LRFN5: variants seen among roughly 807,000 people sequenced by gnomAD.
LRFN5 encodes the protein leucine-rich repeat and fibronectin type-III domain-containing protein 5.
Under a neutral mutation model 45.6 loss-of-function variants are expected in LRFN5, and 24 were observed. That is an observed-to-expected ratio of 0.53 (90% CI 0.38 to 0.74). The LOEUF (loss-of-function observed/expected upper bound fraction) is 0.74, where lower values mean the gene tolerates loss of function less well. Ranked by LOEUF, LRFN5 falls within the 30% of genes least tolerant of loss-of-function variation. The probability of loss-of-function intolerance (pLI) is 0.00; values close to 1 mark genes in which losing one functional copy is unlikely to be tolerated. For missense variants in LRFN5, 776 were observed against 861.5 expected, an observed-to-expected ratio of 0.90 and a Z score of 1.24; for synonymous variants, 340 against 313.8, an observed-to-expected ratio of 1.08 and a Z score of -0.88.
intron 2 of LRFN5, among the ~76,000 whole-genome samples, chr14:41,784,208 G>A (rs1464419863): frequency 1.3e-5 from 2 of 152,030 alleles, no homozygotes; most frequent in African/African-American, 4.8e-5. Context: ...GCAGTGAAGT[G>A]AATGAAGGTA....
chr14:41,746,299 C>T lies in LRFN5; in HGVS notation c.-196-20555C>T, dbSNP rs185201367. 2.0e-3 allele frequency among the ~76,000 whole-genome samples: 297 copies of T among 152,106 alleles called. 2 individuals are homozygous for T. The highest frequency in any genetic ancestry group is 6.6e-3 in the African/African-American group (273 of 41,536). ...CCAAGAAAAGATTTGACAAAATTCA[C>T]TATCTTTTCCTGATACAAAACACTC... On this transcript the variant is annotated intron_variant, in intron 1 of 5. Transcript: ENST00000298119.
intron 1 of LRFN5, among the ~76,000 whole-genome samples, chr14:41,728,804 A>G (rs1277725073): frequency 2.6e-5 from 4 of 152,150 alleles, no homozygotes; most frequent in Non-Finnish European, 5.9e-5. Context: ...GATGAGAGAC[A>G]TTTTTATCAC....
chr14:41,734,351 T>TATA (rs1315455986), intron 1 of LRFN5, among the ~76,000 whole-genome samples: 8 of 114,826 alleles, frequency 7.0e-5, no homozygotes, highest in African/African-American at 8.8e-5. Flanking sequence ...TATATTTAAA[T>TATA]TTGCTGTAAC....
intron 1 of LRFN5, among the ~76,000 whole-genome samples, chr14:41,744,424 T>G (rs560149493): frequency 1.3e-5 from 2 of 151,972 alleles, no homozygotes; most frequent in South Asian, 4.2e-4. Flanking sequence ...ACAAAAAAAT[T>G]TAAGTAAACA....
intron 1 of LRFN5, among the ~76,000 whole-genome samples, chr14:41,645,509 T>C (rs1879775144): frequency 9.9e-6 from 1 of 101,400 alleles, no homozygotes; most frequent in Non-Finnish European, 2.2e-5. Context: ...TTAAAAAGTT[T>C]GTTTCCCCAC....
At chr14:41,773,409 T>C (rs1886160832) in intron 2 of LRFN5, among the ~76,000 whole-genome samples, 1 of 152,210 alleles carries the variant, frequency 6.6e-6, no homozygotes, top group Non-Finnish European at 1.5e-5. Flanking sequence ...TATGTTTTTT[T>C]CTTTAGTTGT....
chr14:41,663,121 T>C (rs1880733295), intron 1 of LRFN5, among the ~76,000 whole-genome samples: 1 of 152,114 alleles, frequency 6.6e-6, no homozygotes, highest in African/African-American at 2.4e-5. Context: ...ACATGAGAGG[T>C]GACTAACATT....
At chr14:41,889,428 TA>T (rs1890703179) in intron 3 of LRFN5, among the ~76,000 whole-genome samples, 3 of 152,218 alleles carry the variant, frequency 2.0e-5, no homozygotes, top group Admixed American at 1.3e-4. Context: ...TATATTAACT[TA>T]AAGTAATTTG....
At chr14:41,808,684 T>G (rs543237716) in intron 2 of LRFN5, among the ~76,000 whole-genome samples, 10 of 152,134 alleles carry the variant, frequency 6.6e-5, no homozygotes, top group Admixed American at 2.6e-4. Context: ...AAAGCAGATG[T>G]AAAAACACTA....
At chr14:41,780,029 G>A (rs1886426572) in intron 2 of LRFN5, among the ~76,000 whole-genome samples, 1 of 151,814 alleles carries the variant, frequency 6.6e-6, no homozygotes, top group Admixed American at 6.6e-5. Context: ...TCCTAAAGTA[G>A]AAAGACTATT....
chr14:41,872,560 T>C (rs1890053860), intron 2 of LRFN5, among the ~76,000 whole-genome samples: 1 of 152,202 alleles, frequency 6.6e-6, no homozygotes, highest in African/African-American at 2.4e-5. Flanking sequence ...CTTATCATCC[T>C]TGCTCATGAC....
intron 2 of LRFN5, among the ~76,000 whole-genome samples, chr14:41,796,805 A>G (rs1372038451): frequency 6.6e-6 from 1 of 151,898 alleles, no homozygotes; most frequent in African/African-American, 2.4e-5. Flanking sequence ...TATGTTTACT[A>G]AACAGGCACT....
intron 2 of LRFN5, among the ~76,000 whole-genome samples, chr14:41,867,385 T>A (rs971241617): frequency 2.0e-5 from 3 of 152,048 alleles, no homozygotes; most frequent in African/African-American, 7.2e-5. Flanking sequence ...TGTGTGTGCA[T>A]GGGTGCACAT....
Position 41,891,344 on chromosome 14 carries a change from A to G in LRFN5, c.1480A>G (p.Ile494Val). Residue 494 changes from isoleucine to valine, a missense_variant, in exon 4 of 6, where the codon ATC (isoleucine) becomes GTC (valine). Ile to Val is a conservative substitution (Grantham distance 29, BLOSUM62 3). Coordinates refer to ENST00000298119, the MANE Select transcript of LRFN5 (RefSeq NM_152447.5). ...LCVLAIYDDGITSLTATRVVG... is the reference protein window; with the variant it reads ...LCVLAIYDDGVTSLTATRVVG... ...TGTCTTGGCCATATATGATGATGGC[A>G]TCACTTCCCTCACTGCCACAAGAGT... 6.2e-7 allele frequency: 1 copy of G among 1,614,144 alleles called. No homozygotes were observed. Among genetic ancestry groups the G allele is most frequent in the South Asian group, 1.1e-5 (1 of 91,080 alleles).
intron 1 of LRFN5, among the ~76,000 whole-genome samples, chr14:41,757,334 G>A (rs1027820416): frequency 6.6e-6 from 1 of 152,182 alleles, no homozygotes; most frequent in African/African-American, 2.4e-5. Flanking sequence ...CCTTTTGTTT[G>A]GCTATGCCCT....
At chr14:41,736,962 A>T (rs975526451) in intron 1 of LRFN5, among the ~76,000 whole-genome samples, 11 of 152,044 alleles carry the variant, frequency 7.2e-5, no homozygotes, top group Admixed American at 7.2e-4. Context: ...ACTATTCCAA[A>T]CAATAGAAAA....
chr14:41,684,462 C>T (rs1882034296), intron 1 of LRFN5, among the ~76,000 whole-genome samples: 1 of 152,130 alleles, frequency 6.6e-6, no homozygotes, highest in Admixed American at 6.6e-5. Flanking sequence ...ACAGGAGGAA[C>T]TACCAAACTC....
Position 41,870,037 on chromosome 14 carries a change from T to C in LRFN5, c.-20-16569T>C, listed in dbSNP as rs548220161. Among the ~76,000 whole-genome samples the C allele has an allele frequency of 1.2e-4, 18 of 152,294 alleles. No homozygotes were observed. The East Asian group carries it at 3.5e-3, about 29-fold the overall frequency. ...GAGGGCTTAAAACAGTACACATGTA[T>C]TATCTCCAGTTGTCATGGAGTAGGA... On this transcript the variant is annotated intron_variant, in intron 2 of 5. Coordinates refer to ENST00000298119, the MANE Select transcript of LRFN5 (RefSeq NM_152447.5).
chr14:41,774,836 GA>G (rs1047547837), intron 2 of LRFN5, among the ~76,000 whole-genome samples: 24 of 152,206 alleles, frequency 1.6e-4, no homozygotes, highest in African/African-American at 5.5e-4. Flanking sequence ...ACATGTAGGC[GA>G]TATATAGGTT....
Sources: allele counts gnomAD v4.1 joint callset (sites outside exome capture counted in the v4.1 genomes callset), GRCh38; gene constraint gnomAD v4.1.1; transcripts MANE v1.5; gene names NCBI Gene and HGNC (gene_info 2026-07-23, HGNC 2026-07-21).